The following SYNJ1 variants were observed in gnomAD, a reference collection of about 807,000 sequenced individuals.
SYNJ1 encodes the protein synaptojanin 1.
In SYNJ1, 78 loss-of-function variants were observed where a neutral mutation model predicts 168.2. That is an observed-to-expected ratio of 0.46 (90% CI 0.39 to 0.56). The LOEUF (loss-of-function observed/expected upper bound fraction) is 0.56, where lower values mean the gene tolerates loss of function less well. Ranked by LOEUF, SYNJ1 falls within the 20% of genes least tolerant of loss-of-function variation. The probability of loss-of-function intolerance (pLI) is 0.00; values close to 1 mark genes in which losing one functional copy is unlikely to be tolerated. For missense variants in SYNJ1, 1,303 were observed against 1,597.6 expected (o/e 0.82, Z 3.14); for synonymous variants, 539 against 548.6 (o/e 0.98, Z 0.24).
intron 31 of SYNJ1, among the ~76,000 whole-genome samples, chr21:32,635,695 A>C (rs1428253660): frequency 6.6e-6 from 1 of 152,148 alleles, no homozygotes; most frequent in Non-Finnish European, 1.5e-5. Context: ...TTGCAAAAAG[A>C]CTACCCTACT....
Position 32,631,192 on chromosome 21 carries a change from T to C in SYNJ1, c.*613A>G, listed in dbSNP as rs769954720. 1.7e-5 allele frequency: 28 copies of C among 1,614,080 alleles called. No individual in the cohort carries two copies. Among genetic ancestry groups the C allele is most frequent in the East Asian group, 4.5e-5 (2 of 44,896 alleles). On this transcript the variant is annotated 3_prime_UTR_variant, in exon 33 of 33. Transcript: ENST00000674351. ...GTCAGGTTGGAGCCAGAAAATGAAC[T>C]TGGCTGATTACCCAGTAAGTCTGAA...
chr21:32,660,205 T>C (rs920364204), intron 18 of SYNJ1, among the ~76,000 whole-genome samples: 8 of 152,238 alleles, frequency 5.3e-5, no homozygotes, highest in Non-Finnish European at 1.0e-4. Context: ...TTCCAAAGGC[T>C]GGCCCCCATG....
At chr21:32,643,213 T>A (rs1474492966) in intron 27 of SYNJ1, among the ~76,000 whole-genome samples, 197 bp downstream of exon 27, 1 of 151,732 alleles carries the variant, frequency 6.6e-6, no homozygotes, top group East Asian at 1.9e-4. Context: ...TAAATGGATA[T>A]CCATTAGAAA....
chr21:32,670,741 G>C (rs989518329), intron 14 of SYNJ1: 84 of 936,072 alleles, frequency 9.0e-5, no homozygotes, highest in East Asian at 3.5e-4. Flanking sequence ...AAAGAATAAA[G>C]TGACTGAGAA....
At chr21:32,642,560 A>G (rs944669386) in intron 27 of SYNJ1, among the ~76,000 whole-genome samples, 2 of 152,356 alleles carry the variant, frequency 1.3e-5, no homozygotes, top group African/African-American at 2.4e-5. Flanking sequence ...ATTACACAAG[A>G]GGCTCCTAGT....
chr21:32,719,065 C>T (rs1185730683), intron 2 of SYNJ1, among the ~76,000 whole-genome samples: 1 of 152,212 alleles, frequency 6.6e-6, no homozygotes, highest in Non-Finnish European at 1.5e-5. Flanking sequence ...TCCTCAGTTT[C>T]CAAATCTCTG....
In SYNJ1 at chr21:32,691,110, C is replaced by T. The variant is rs941619116; in HGVS notation, c.790-2743G>A. On this transcript the variant is annotated intron_variant, in intron 6 of 32. Transcript: ENST00000674351. ...TTGATACGGTTTGGATCTGTGTACC[C>T]CCTAAATCTCATTCTGAATTGTAAC... is the stretch of plus-strand genomic sequence containing the variant. 6.6e-5 allele frequency among the ~76,000 whole-genome samples: 10 copies of T among 152,178 alleles called. No homozygotes were observed. The East Asian group carries it at 1.5e-3, about 24-fold the overall frequency.
intron 4 of SYNJ1, 38 bp downstream of exon 4, chr21:32,699,800 T>G: frequency 6.3e-7 from 1 of 1,587,786 alleles, no homozygotes; most frequent in African/African-American, 1.4e-5. Context: ...CTGAACATAT[T>G]ATGTCCCAAA....
Position 32,681,604 on chromosome 21 carries a change from A to G in SYNJ1, c.1245T>C (p.Pro415=), listed in dbSNP as rs111655347. The G allele has an allele frequency of 3.8e-5, 62 of 1,613,914 alleles. 3 individuals are homozygous for G. The African/African-American group carries it at 5.1e-4, about 13-fold the overall frequency. ...QLEALGLAEK[P]QLVTRFQEVF... The stretch of plus-strand genomic sequence containing the variant: ...CTTCTTGAAAGCGAGTCACCAACTG[A>G]GGCTTTTCAGCTAAACCAAGAGCTT... Residue 415 remains proline (P), a synonymous_variant, in exon 11 of 33, where the codon CCT becomes CCC. Transcript: ENST00000674351.
chr21:32,646,573 C>T lies in SYNJ1; in HGVS notation c.3067G>A (p.Glu1023Lys), dbSNP rs1397187104. The T allele has an allele frequency of 6.2e-7, 1 of 1,614,078 alleles. No individual in the cohort carries two copies. The highest frequency in any genetic ancestry group is 8.5e-7 in the Non-Finnish European group (1 of 1,180,016). The change falls in exon 24 of 33, where the codon GAG becomes AAG. Residue 1023 changes from glutamate (E) to lysine (K), a missense_variant. This residue lies in a region of SYNJ1 where 383 missense variants were observed against 388.8 expected (regional missense o/e 0.99). Transcript: ENST00000674351. The stretch of plus-strand genomic sequence containing the variant: ...TGGAGATGCTGAGGAAGAAGTTCCT[C>T]CACTTCAGCACTATAGTCATCAACA... ...GDVDDYSAEV[E>K]ELLPQHLQPS...
chr21:32,672,393 G>A (rs563627043), intron 14 of SYNJ1, among the ~76,000 whole-genome samples: 3 of 151,318 alleles, frequency 2.0e-5, no homozygotes, highest in Admixed American at 2.0e-4. Context: ...CAGGCTGGAT[G>A]CAGTGGTGGG....
chr21:32,635,996 C>A (rs578074397), intron 31 of SYNJ1, among the ~76,000 whole-genome samples: 5 of 152,214 alleles, frequency 3.3e-5, no homozygotes, highest in Non-Finnish European at 5.9e-5. Context: ...AGAGACATCA[C>A]CCAGAAATAT....
chr21:32,703,646 A>G (rs2042492248), intron 2 of SYNJ1, among the ~76,000 whole-genome samples: 2 of 152,218 alleles, frequency 1.3e-5, no homozygotes, highest in South Asian at 4.1e-4. Context: ...AAAGTACTAG[A>G]TATATCCATT....
At chr21:32,678,554 A>T in intron 12 of SYNJ1, 91 bp downstream of exon 12, 1 of 1,359,414 alleles carries the variant, frequency 7.4e-7, no homozygotes, top group Non-Finnish European at 9.8e-7. Flanking sequence ...AAACTATTTT[A>T]ACCAACTAAA....
chr21:32,725,312 G>C (rs1198242996), intron 2 of SYNJ1, among the ~76,000 whole-genome samples: 1 of 152,000 alleles, frequency 6.6e-6, no homozygotes, highest in Non-Finnish European at 1.5e-5. Flanking sequence ...TTTTAATTCA[G>C]AATTCATCAG....
At position 32,653,312 on chromosome 21, in the gene SYNJ1, A is replaced by G. The variant is rs2040343338; in HGVS notation, c.2850T>C (p.Asn950=). The G allele has an allele frequency of 6.2e-7, 1 of 1,613,982 alleles. No homozygotes were observed. The highest frequency in any genetic ancestry group is 1.3e-5 in the African/African-American group (1 of 75,058). Residue 950 remains asparagine (N), a synonymous_variant, in exon 22 of 33, where the codon AAT becomes AAC. Transcript: ENST00000674351. ...VTFLEGSSAL[N]VLSLNGKELL... ...CCTCTTTACCATTTAGGCTCAGAAC[A>G]TTCAAGGCAGAGCTTCCCTCCAAAA...
chr21:32,684,002 G>A (rs377321980), intron 10 of SYNJ1, 36 bp downstream of exon 10: 15 of 1,573,750 alleles, frequency 9.5e-6, no homozygotes, highest in East Asian at 2.2e-5. Context: ...AGAGGCAGAT[G>A]ATACAAGGCA....
At chr21:32,663,944 G>A (rs2040816831) in intron 18 of SYNJ1, among the ~76,000 whole-genome samples, 1 of 152,210 alleles carries the variant, frequency 6.6e-6, no homozygotes, top group Non-Finnish European at 1.5e-5. Context: ...ATACACAGAT[G>A]ATGAAGGGCA....
At chr21:32,671,701 G>C (rs1020950348) in intron 14 of SYNJ1, among the ~76,000 whole-genome samples, 1 of 152,190 alleles carries the variant, frequency 6.6e-6, no homozygotes, top group Non-Finnish European at 1.5e-5. Context: ...TAGAATTATA[G>C]TGTTAGCTGT....
Sources: allele counts gnomAD v4.1 joint callset (sites outside exome capture counted in the v4.1 genomes callset), GRCh38; gene constraint gnomAD v4.1.1; regional missense constraint gnomAD v4.1.1; transcripts MANE v1.5; gene names NCBI Gene and HGNC (gene_info 2026-07-23, HGNC 2026-07-21).